Variants in NKAIN3 observed in about 807,000 individuals in gnomAD.
NKAIN3 encodes sodium/potassium transporting ATPase interacting 3.
Under a neutral mutation model 30.2 loss-of-function variants are expected in NKAIN3, and 25 were observed. That is an observed-to-expected ratio of 0.83 (90% confidence interval 0.60 to 1.16). The LOEUF is 1.16. Among genes scored for constraint, NKAIN3 ranks in the 50% most tolerant of loss-of-function variants. The pLI is 0.00. For missense variants in NKAIN3, 225 were observed against 254.1 expected (o/e 0.89, Z 0.78); for synonymous variants, 91 against 89.6 (o/e 1.02, Z -0.09).
chr8:62,757,197 T>C (rs1042222090), intron 4 of NKAIN3, among the ~76,000 whole-genome samples: 1 of 152,188 alleles, frequency 6.6e-6, no homozygotes, highest in Non-Finnish European at 1.5e-5. Flanking sequence ...GATAATTTAA[T>C]GTCATTCAGA....
intron 1 of NKAIN3, among the ~76,000 whole-genome samples, chr8:62,329,448 G>C (rs144939498): frequency 1.1e-4 from 16 of 152,156 alleles, no homozygotes; most frequent in African/African-American, 3.4e-4. Flanking sequence ...CACCCATTCC[G>C]GAAGAATCGT....
chr8:62,372,722 G>A (rs975632303), intron 1 of NKAIN3, among the ~76,000 whole-genome samples: 3 of 151,860 alleles, frequency 2.0e-5, no homozygotes, highest in South Asian at 2.1e-4. Context: ...TATGAAGACA[G>A]CAAGCAATTA....
chr8:62,417,764 T>C (rs1002795033), intron 1 of NKAIN3, among the ~76,000 whole-genome samples: 2 of 152,204 alleles, frequency 1.3e-5, no homozygotes, highest in African/African-American at 4.8e-5. Context: ...GCCATTTATT[T>C]GTCTTTTTTT....
intron 1 of NKAIN3, among the ~76,000 whole-genome samples, chr8:62,485,037 G>GAACTGCATA (rs1462524100): frequency 1.3e-5 from 2 of 152,140 alleles, no homozygotes; most frequent in Non-Finnish European, 2.9e-5. Context: ...GATTCAACAG[G>GAACTGCATA]AACTGCATAG....
intron 4 of NKAIN3, among the ~76,000 whole-genome samples, chr8:62,895,647 G>C (rs1821408878): frequency 6.6e-6 from 1 of 152,084 alleles, no homozygotes; most frequent in Admixed American, 6.6e-5. Flanking sequence ...TCCTAGGCGG[G>C]GTATCTGTGA....
chr8:62,423,229 G>A (rs569199733), intron 1 of NKAIN3, among the ~76,000 whole-genome samples: 14 of 152,030 alleles, frequency 9.2e-5, no homozygotes, highest in African/African-American at 3.4e-4. Flanking sequence ...ATGAAACTGT[G>A]GAAGGAAGGA....
chr8:62,318,515 G>A (rs1814743237), intron 1 of NKAIN3, among the ~76,000 whole-genome samples: 1 of 152,158 alleles, frequency 6.6e-6, no homozygotes, highest in African/African-American at 2.4e-5. Context: ...GAAGGTTGTT[G>A]AAGTTGTCAA....
chr8:62,892,264 C>A (rs1490789118), intron 4 of NKAIN3, among the ~76,000 whole-genome samples: 1 of 152,136 alleles, frequency 6.6e-6, no homozygotes, highest in Admixed American at 6.5e-5. Context: ...GTCCTTTAGA[C>A]AATATTATTT....
At position 62,515,504 on chromosome 8, in the gene NKAIN3, G is replaced by A. The variant is rs148447652; in HGVS notation, c.55-64035G>A. 6.2e-4 allele frequency among the ~76,000 whole-genome samples: 94 copies of A among 152,192 alleles called. 1 individual carries two copies. In the East Asian group the frequency reaches 0.018, roughly 29 times the overall value. ...CTTAACTTTTATTTTAGGTTCAGGG[G>A]ATACATGTGCAGTCTACATGGGTAA... is the stretch of plus-strand genomic sequence containing the variant. On this transcript the variant is annotated intron_variant, in intron 1 of 6. Coordinates refer to ENST00000623646, the MANE Select transcript of NKAIN3 (RefSeq NM_001304533.3).
intron 1 of NKAIN3, among the ~76,000 whole-genome samples, chr8:62,512,032 T>G (rs1807827371): frequency 6.6e-6 from 1 of 152,194 alleles, no homozygotes; most frequent in Non-Finnish European, 1.5e-5. Flanking sequence ...CCCACTATCT[T>G]GTATGATACT....
At chr8:62,644,182 C>T (rs550803602) in intron 3 of NKAIN3, among the ~76,000 whole-genome samples, 2 of 152,234 alleles carry the variant, frequency 1.3e-5, no homozygotes, top group South Asian at 2.1e-4. Context: ...TCTCTTAGTC[C>T]CTTCAGCTTT....
chr8:62,905,647 C>T (rs187550237), intron 4 of NKAIN3, among the ~76,000 whole-genome samples: 1 of 152,258 alleles, frequency 6.6e-6, no homozygotes, highest in African/African-American at 2.4e-5. Flanking sequence ...ATTAAGACCA[C>T]TGATGTCTTC....
At chr8:62,827,596 G>A (rs1335547132) in intron 4 of NKAIN3, among the ~76,000 whole-genome samples, 2 of 152,016 alleles carry the variant, frequency 1.3e-5, no homozygotes, top group Non-Finnish European at 2.9e-5. Flanking sequence ...GTGTCTCTCT[G>A]ACACCTGCTC....
At chr8:62,500,473 GAAAGAAAGAAAGAAGA>G (rs1379037524) in intron 1 of NKAIN3, among the ~76,000 whole-genome samples, 4 of 120,504 alleles carry the variant, frequency 3.3e-5, no homozygotes, top group African/African-American at 1.3e-4. Flanking sequence ...AAGAAAGAAA[GAAAGAAAGAAAGAAGA>G]AAAGAAAGAA....
At position 62,976,329 on chromosome 8, in the gene NKAIN3, G is replaced by A. The variant is rs1585638264; in HGVS notation, c.*10922G>A. Among the ~76,000 whole-genome samples the A allele has an allele frequency of 2.0e-5, 3 of 152,204 alleles. No individual in the cohort carries two copies. In the East Asian group the frequency reaches 5.8e-4, roughly 29 times the overall value. ...ATTGTGTGGTAGTCTAAGTCTCTTTGTAGGTCTCTAAGAACTTGCTTTATG... is the reference window on the plus strand; with the variant it reads ...ATTGTGTGGTAGTCTAAGTCTCTTTATAGGTCTCTAAGAACTTGCTTTATG... On this transcript the variant is annotated 3_prime_UTR_variant, in exon 7 of 7. Transcript: ENST00000623646.
At chr8:62,502,861 G>A (rs12676339) in intron 1 of NKAIN3, among the ~76,000 whole-genome samples, 10,956 of 152,188 alleles carry the variant, frequency 0.072, 493 homozygotes, top group African/African-American at 0.13. Flanking sequence ...TCTTCAGATG[G>A]ACCAGGGTTA....
At chr8:62,848,963 A>G (rs1473189955) in intron 4 of NKAIN3, among the ~76,000 whole-genome samples, 1 of 152,080 alleles carries the variant, frequency 6.6e-6, no homozygotes, top group African/African-American at 2.4e-5. Flanking sequence ...GATGAATTAC[A>G]TTTATTGTTT....
chr8:62,801,282 A>G (rs1015385207), intron 4 of NKAIN3, among the ~76,000 whole-genome samples: 1 of 152,206 alleles, frequency 6.6e-6, no homozygotes, highest in African/African-American at 2.4e-5. Context: ...CCCAGCACGC[A>G]GCTGGAGATC....
At chr8:62,622,969 T>C in intron 3 of NKAIN3, among the ~76,000 whole-genome samples, 1 of 152,064 alleles carries the variant, frequency 6.6e-6, no homozygotes, top group Middle Eastern at 3.4e-3. Flanking sequence ...TCATATAAGA[T>C]AAAATTAATA....
Sources: allele counts gnomAD v4.1 joint callset (sites outside exome capture counted in the v4.1 genomes callset), GRCh38; gene constraint gnomAD v4.1.1; transcripts MANE v1.5; gene names NCBI Gene and HGNC (gene_info 2026-07-23, HGNC 2026-07-21).